Variants in TNR observed in about 807,000 individuals in gnomAD.
TNR encodes the protein tenascin R, also known as tenascin-R.
Under a neutral mutation model 150.4 loss-of-function variants are expected in TNR, and 45 were observed. That is an observed-to-expected ratio of 0.30 (90% CI 0.24 to 0.38). The LOEUF (loss-of-function observed/expected upper bound fraction) is 0.38, where lower values mean the gene tolerates loss of function less well. Ranked by LOEUF, TNR falls within the 10% of genes least tolerant of loss-of-function variation. TNR has a pLI of 1.00. For missense variants in TNR, 1,544 were observed against 1,759.1 expected, an observed-to-expected ratio of 0.88 and a Z score of 2.19; for synonymous variants, 687 against 678.4, an observed-to-expected ratio of 1.01 and a Z score of -0.20.
At chr1:175,574,117 C>T (rs1197748653) in intron 1 of TNR, among the ~76,000 whole-genome samples, 1 of 152,142 alleles carries the variant, frequency 6.6e-6, no homozygotes, top group Non-Finnish European at 1.5e-5. Context: ...CTGCTCCCAA[C>T]TTCCTCTGTC....
At chr1:175,530,794 C>T (rs1381493823) in intron 1 of TNR, among the ~76,000 whole-genome samples, 1 of 152,074 alleles carries the variant, frequency 6.6e-6, no homozygotes, top group African/African-American at 2.4e-5. Flanking sequence ...TACCTCGGCC[C>T]CTGTGTTGGC....
intron 1 of TNR, among the ~76,000 whole-genome samples, chr1:175,725,113 T>G (rs1667444038): frequency 6.6e-6 from 1 of 152,148 alleles, no homozygotes. Context: ...GATGTACATA[T>G]TGCTGAGACC....
chr1:175,563,258 C>A (rs1661502048), intron 1 of TNR, among the ~76,000 whole-genome samples: 1 of 152,136 alleles, frequency 6.6e-6, no homozygotes, highest in Admixed American at 6.5e-5. Flanking sequence ...ATGGAGAAAG[C>A]CAGTAAAAAG....
chr1:175,632,480 T>C (rs1320639595), intron 1 of TNR, among the ~76,000 whole-genome samples: 4 of 152,204 alleles, frequency 2.6e-5, no homozygotes, highest in Admixed American at 6.5e-5. Context: ...AGAGTCTATA[T>C]GGGTAGACAA....
chr1:175,487,669 G>C (rs1053601476), intron 2 of TNR, among the ~76,000 whole-genome samples: 1 of 152,046 alleles, frequency 6.6e-6, no homozygotes, highest in African/African-American at 2.4e-5. Context: ...CCTTCCTCAT[G>C]GCTCAACCTC....
At chr1:175,741,018 G>A (rs1667911631) in intron 1 of TNR, among the ~76,000 whole-genome samples, 1 of 152,194 alleles carries the variant, frequency 6.6e-6, no homozygotes, top group Admixed American at 6.5e-5. Flanking sequence ...TCTTTACCTG[G>A]CTCTTGGCCA....
chr1:175,529,764 C>G (rs1659992279), intron 1 of TNR, among the ~76,000 whole-genome samples: 1 of 152,158 alleles, frequency 6.6e-6, no homozygotes, highest in Non-Finnish European at 1.5e-5. Flanking sequence ...TGTTTGCTTC[C>G]ACCCACTGAC....
intron 2 of TNR, among the ~76,000 whole-genome samples, chr1:175,450,628 T>C (rs1215860147): frequency 6.6e-6 from 1 of 152,270 alleles, no homozygotes; most frequent in Non-Finnish European, 1.5e-5. Flanking sequence ...CTGTATCTTC[T>C]TTCTCTGTAG....
At chr1:175,709,292 T>A in intron 1 of TNR, among the ~76,000 whole-genome samples, 1 of 133,786 alleles carries the variant, frequency 7.5e-6, no homozygotes, top group African/African-American at 3.0e-5. Context: ...CTCCCTTGCT[T>A]TCACACACAC....
chr1:175,346,754 A>T (rs1196092875), intron 18 of TNR, among the ~76,000 whole-genome samples: 8 of 152,086 alleles, frequency 5.3e-5, no homozygotes, highest in Non-Finnish European at 1.0e-4. Context: ...TAATTATTTT[A>T]AAAAACTTAG....
chr1:175,691,027 G>A (rs1048582729), intron 1 of TNR, among the ~76,000 whole-genome samples: 1 of 152,176 alleles, frequency 6.6e-6, no homozygotes, highest in African/African-American at 2.4e-5. Flanking sequence ...ATTTGTTGGG[G>A]TGTTTGGCAC....
chr1:175,347,938 G>T (rs1476618254), intron 18 of TNR, among the ~76,000 whole-genome samples: 1 of 151,872 alleles, frequency 6.6e-6, no homozygotes, highest in African/African-American at 2.4e-5. Context: ...TAAATAAGAG[G>T]TATAAGAATT....
intron 1 of TNR, among the ~76,000 whole-genome samples, chr1:175,538,608 G>A (rs1330199851): frequency 6.6e-6 from 1 of 152,226 alleles, no homozygotes; most frequent in Admixed American, 6.5e-5. Flanking sequence ...CATGTGGGGT[G>A]AGTTGATTCC....
At chr1:175,489,437 T>G (rs1658150875) in intron 2 of TNR, among the ~76,000 whole-genome samples, 1 of 152,192 alleles carries the variant, frequency 6.6e-6, no homozygotes. Context: ...AAGAATTTGA[T>G]CATCCCAAAC....
intron 1 of TNR, among the ~76,000 whole-genome samples, chr1:175,677,419 T>A (rs1665895991): frequency 6.6e-6 from 1 of 152,188 alleles, no homozygotes; most frequent in African/African-American, 2.4e-5. Context: ...ATTTTGTGAC[T>A]TTGCTTTCTG....
chr1:175,673,626 G>A (rs191802943), intron 1 of TNR, among the ~76,000 whole-genome samples: 2 of 152,356 alleles, frequency 1.3e-5, no homozygotes, highest in Non-Finnish European at 2.9e-5. Context: ...GAGGATGTGC[G>A]GATGAATGAG....
rs1262609634 is a variant in TNR at position 175,679,389 on chromosome 1, A to AC, written c.-165+63836dup. On this transcript the variant is annotated intron_variant, in intron 1 of 22. Transcript: ENST00000367674. ...GGGCCATAGACCATATTTACTGAAC[A>AC]CCTACTGAGTGCTTGATGCTAAAGT... 7.9e-5 allele frequency among the ~76,000 whole-genome samples: 12 copies of AC among 152,342 alleles called. No individual in the cohort carries two copies. The East Asian group carries it at 2.3e-3, about 29-fold the overall frequency.
chr1:175,445,724 T>A (rs1250749501), intron 2 of TNR, among the ~76,000 whole-genome samples: 1 of 152,246 alleles, frequency 6.6e-6, no homozygotes, highest in Non-Finnish European at 1.5e-5. Flanking sequence ...TTTCCCAAAT[T>A]GTATACCACT....
chr1:175,393,959 G>A, intron 5 of TNR, 64 bp from the exon 6 acceptor site: 1 of 1,315,626 alleles, frequency 7.6e-7, no homozygotes, highest in South Asian at 1.2e-5. Flanking sequence ...GCATTGCCTG[G>A]TGCTTTGTCT....
Sources: gnomAD v4.1 joint callset for allele counts (sites outside exome capture counted in the v4.1 genomes callset) on GRCh38, gnomAD v4.1.1 for gene constraint, MANE v1.5 for transcripts, NCBI Gene and HGNC (gene_info 2026-07-23, HGNC 2026-07-21) for gene names.